Variants in MED27 observed in about 807,000 individuals in gnomAD.
The protein encoded by MED27 is mediator of RNA polymerase II transcription subunit 27.
Under a neutral mutation model 38.2 loss-of-function variants are expected in MED27, and 30 were observed. The observed-to-expected ratio is 0.79, with a 90% CI of 0.59 to 1.07. The LOEUF is 1.07. Among genes scored for constraint, MED27 ranks in the 50% least tolerant of loss-of-function variants. The pLI, the probability that MED27 is intolerant of heterozygous loss-of-function variation, is 0.00. For missense variants in MED27, 289 were observed against 397.5 expected (o/e 0.73, Z 2.32); for synonymous variants, 122 against 153.5 (o/e 0.79, Z 1.52).
intron 6 of MED27, among the ~76,000 whole-genome samples, chr9:131,879,262 C>T (rs1838992972): frequency 6.6e-6 from 1 of 151,782 alleles, no homozygotes; most frequent in Admixed American, 6.5e-5. Flanking sequence ...TTTGGCTCTG[C>T]AAGGCAATCC....
rs560881265 is a variant in MED27 at position 131,869,445 on chromosome 9, C to T, written c.724-6305G>A. 26 of 972,334 alleles carry T rather than the reference C, an allele frequency of 2.7e-5. No individual in the cohort carries two copies. The South Asian group carries it at 3.3e-4, about 12-fold the overall frequency. 60.2% of individuals were successfully genotyped at this position (972,334 alleles called of 1,614,324 possible). ...TAATTTAAATCCACTCTGTGGCAGC[C>T]GAGGTTCGGTCCCATTGTGCGGCAA... On this transcript the variant is annotated intron_variant, in intron 6 of 7. Transcript: ENST00000292035.
At chr9:131,996,248 T>A (rs1308491952) in intron 3 of MED27, among the ~76,000 whole-genome samples, 1 of 152,180 alleles carries the variant, frequency 6.6e-6, no homozygotes, top group Non-Finnish European at 1.5e-5. Flanking sequence ...TGGGTACCCC[T>A]GGATACTCCC....
At chr9:131,965,118 A>G (rs1276312465) in intron 3 of MED27, among the ~76,000 whole-genome samples, 2 of 152,258 alleles carry the variant, frequency 1.3e-5, no homozygotes, top group East Asian at 3.8e-4. Context: ...TAAATTATTC[A>G]TGAAGCTCTC....
chr9:131,922,727 T>G (rs983300794), intron 4 of MED27, among the ~76,000 whole-genome samples: 3 of 152,170 alleles, frequency 2.0e-5, no homozygotes, highest in African/African-American at 7.2e-5. Flanking sequence ...CATGTTGGTG[T>G]GCTGCACCCA....
intron 3 of MED27, among the ~76,000 whole-genome samples, chr9:132,008,475 C>T (rs1388111319): frequency 6.6e-6 from 1 of 152,154 alleles, no homozygotes; most frequent in Admixed American, 6.5e-5. Flanking sequence ...TCATCAGTGC[C>T]CTCTGAACGC....
At chr9:132,065,622 T>G (rs1163235941) in intron 2 of MED27, among the ~76,000 whole-genome samples, 2 of 152,194 alleles carry the variant, frequency 1.3e-5, no homozygotes, top group Non-Finnish European at 2.9e-5. Flanking sequence ...CAAGGGTGCC[T>G]GCCACTCCCG....
chr9:131,927,505 T>C (rs562832308), intron 4 of MED27, among the ~76,000 whole-genome samples: 3 of 152,256 alleles, frequency 2.0e-5, no homozygotes, highest in Non-Finnish European at 2.9e-5. Context: ...CATGTATTCA[T>C]TCAGCAAATG....
chr9:132,079,603 G>C (rs1325668000), intron 1 of MED27, 39 bp downstream of exon 1: 4 of 1,603,462 alleles, frequency 2.5e-6, no homozygotes, highest in Non-Finnish European at 3.4e-6. Context: ...GTCGGAGCGG[G>C]GCCGGTCCCC....
At chr9:132,044,575 C>T (rs554681576) in intron 2 of MED27, among the ~76,000 whole-genome samples, 144 of 152,322 alleles carry the variant, frequency 9.5e-4, no homozygotes, top group African/African-American at 3.3e-3. Flanking sequence ...GCAGCCAGGC[C>T]GCCCACTGCA....
chr9:131,987,913 C>T (rs969463665), intron 3 of MED27, among the ~76,000 whole-genome samples: 5 of 152,186 alleles, frequency 3.3e-5, no homozygotes, highest in African/African-American at 1.2e-4. Flanking sequence ...CTCCCTGGGC[C>T]TCAGAGTCTC....
intron 4 of MED27, among the ~76,000 whole-genome samples, chr9:131,908,238 G>A (rs542679265): frequency 0.013 from 1,804 of 144,044 alleles, 64 homozygotes; most frequent in African/African-American, 0.043. Context: ...CAGCCGCCCC[G>A]TCCGGGAGGG....
intron 3 of MED27, among the ~76,000 whole-genome samples, chr9:131,944,092 C>T (rs1009927729): frequency 5.3e-5 from 8 of 152,166 alleles, no homozygotes; most frequent in Admixed American, 6.5e-5. Flanking sequence ...TCAACATCTC[C>T]GCTGCATCAG....
At chr9:132,007,309 C>T (rs1832379695) in intron 3 of MED27, among the ~76,000 whole-genome samples, 1 of 152,162 alleles carries the variant, frequency 6.6e-6, no homozygotes, top group Non-Finnish European at 1.5e-5. Flanking sequence ...GAAACAAATG[C>T]AAACGCTGAG....
chr9:131,877,574 T>C (rs1034148989), intron 6 of MED27, among the ~76,000 whole-genome samples: 6 of 151,978 alleles, frequency 3.9e-5, no homozygotes, highest in Non-Finnish European at 8.8e-5. Context: ...GGACCCCGTC[T>C]CAAATAAATA....
intron 2 of MED27, among the ~76,000 whole-genome samples, chr9:132,069,274 G>A (rs763061311): frequency 2.6e-5 from 4 of 152,134 alleles, no homozygotes; most frequent in East Asian, 1.9e-4. Context: ...CCCTGGGGCC[G>A]GCCAGTGAGG....
At chr9:131,899,277 T>G (rs1829886404) in intron 4 of MED27, among the ~76,000 whole-genome samples, 1 of 152,152 alleles carries the variant, frequency 6.6e-6, no homozygotes, top group Non-Finnish European at 1.5e-5. Flanking sequence ...CTGTCACAAC[T>G]GGGGCTACAG....
chr9:132,040,573 G>C (rs1268917228), intron 2 of MED27, among the ~76,000 whole-genome samples: 1 of 152,176 alleles, frequency 6.6e-6, no homozygotes, highest in African/African-American at 2.4e-5. Flanking sequence ...AAATACTAAG[G>C]CAGCATGTTT....
At chr9:131,981,857 G>T (rs949118167) in intron 3 of MED27, among the ~76,000 whole-genome samples, 1 of 152,176 alleles carries the variant, frequency 6.6e-6, no homozygotes, top group Non-Finnish European at 1.5e-5. Context: ...TTTGACAACT[G>T]ACTCCATTTT....
At chr9:131,903,474 C>A (rs1255813982) in intron 4 of MED27, among the ~76,000 whole-genome samples, 13 of 152,144 alleles carry the variant, frequency 8.5e-5, no homozygotes, top group Admixed American at 8.5e-4. Flanking sequence ...TTAGTCCCCT[C>A]GGCACAGGGA....
Sources: gnomAD v4.1 joint callset for allele counts (sites outside exome capture counted in the v4.1 genomes callset) on GRCh38, gnomAD v4.1.1 for gene constraint, MANE v1.5 for transcripts, NCBI Gene and HGNC (gene_info 2026-07-23, HGNC 2026-07-21) for gene names.